The following BANP variants were observed in gnomAD, a reference collection of about 807,000 sequenced individuals.
BANP encodes BTG3 associated nuclear protein.
In BANP, 11 loss-of-function variants were observed where a neutral mutation model predicts 68.1. The ratio of observed to expected loss-of-function variants is 0.16; its 90% CI spans 0.10 to 0.27. BANP has a LOEUF of 0.27. Among genes scored for constraint, BANP ranks in the 10% least tolerant of loss-of-function variants. The pLI, the probability that BANP is intolerant of heterozygous loss-of-function variation, is 1.00. For missense variants in BANP, 504 were observed against 722.7 expected, an observed-to-expected ratio of 0.70 and a Z score of 3.47; for synonymous variants, 329 against 303.2, an observed-to-expected ratio of 1.09 and a Z score of -0.88.
At position 88,072,111 on chromosome 16, in the gene BANP, C is replaced by G; in HGVS notation, c.1420C>G (p.Pro474Ala). The G allele has an allele frequency of 1.2e-6, 2 of 1,604,902 alleles. No individual in the cohort carries two copies. Among genetic ancestry groups the G allele is most frequent in the Non-Finnish European group, 1.7e-6 (2 of 1,177,008 alleles). Residue 474 changes from proline (P) to alanine (A), a missense_variant, in exon 13 of 14, where the codon CCC becomes GCC. By Grantham distance (27) the Pro-to-Ala change is conservative. Around this residue, in one of 3 missense-constraint regions of BANP, gnomAD observed 223 missense variants for 246.2 expected, o/e 0.91. Transcript: ENST00000682872. ...GCTGATCGCCGTGGCCTCCTCGGAC[C>G]CCGCGGCGGCGGGCGTGGATGGGTC... Reference protein sequence around the residue: ...AQLIAVASSDPAAAGVDGSPL... With the variant: ...AQLIAVASSDAAAAGVDGSPL...
chr16:88,043,480 G>A (rs1268858264), intron 11 of BANP, among the ~76,000 whole-genome samples: 2 of 152,220 alleles, frequency 1.3e-5, no homozygotes, highest in Admixed American at 6.5e-5. Flanking sequence ...AATCCCTGTA[G>A]TGTTGGCTTT....
chr16:88,001,183 C>T (rs1296325880), intron 4 of BANP, among the ~76,000 whole-genome samples: 1 of 106,706 alleles, frequency 9.4e-6, no homozygotes, highest in Non-Finnish European at 1.8e-5. Flanking sequence ...CATGCACGCA[C>T]GTGTGCGGCT....
chr16:88,061,687 G>A (rs1186861805), intron 11 of BANP, among the ~76,000 whole-genome samples: 2 of 150,170 alleles, frequency 1.3e-5, no homozygotes, highest in Non-Finnish European at 3.0e-5. Context: ...TTTTTGAGAC[G>A]GAGTTTTTGC....
intron 11 of BANP, among the ~76,000 whole-genome samples, chr16:88,055,273 C>A (rs1406918833): frequency 6.6e-6 from 1 of 151,968 alleles, no homozygotes; most frequent in Admixed American, 6.6e-5. Context: ...AATCCATACA[C>A]CCACCCACCC....
intron 10 of BANP, chr16:88,037,746 C>T (rs1173529197): frequency 1.0e-5 from 6 of 587,388 alleles, no homozygotes; most frequent in African/African-American, 9.4e-5. Flanking sequence ...GGAATGAGTA[C>T]AATGCTTTTT....
At chr16:87,962,470 C>T (rs540181331) in intron 1 of BANP, among the ~76,000 whole-genome samples, 2 of 152,180 alleles carry the variant, frequency 1.3e-5, no homozygotes, top group South Asian at 2.1e-4. Flanking sequence ...CTTCAGGACC[C>T]TCAGTAGCTT....
chr16:87,975,501 C>A (rs1394500886), intron 2 of BANP, among the ~76,000 whole-genome samples: 1 of 152,158 alleles, frequency 6.6e-6, no homozygotes, highest in East Asian at 1.9e-4. Flanking sequence ...CGTCGTGGAT[C>A]TTTACCATGT....
chr16:87,975,449 G>A lies in BANP; in HGVS notation c.70+264G>A, dbSNP rs748092104. On this transcript the variant is annotated intron_variant, in intron 2 of 13. Transcript: ENST00000682872. Reference sequence around the variant, plus strand: ...CTGCTCCCACTCCTTGGGGGTATGCGTGTGTTCTACACTCTCTCCCCTGCC... The same window carrying A: ...CTGCTCCCACTCCTTGGGGGTATGCATGTGTTCTACACTCTCTCCCCTGCC... Among the ~76,000 whole-genome samples, 25 of 152,288 alleles carry A rather than the reference G, an allele frequency of 1.6e-4. 1 individual carries two copies. In the East Asian group the frequency reaches 2.9e-3, roughly 18 times the overall value.
At position 87,975,125 on chromosome 16, in the gene BANP, G is replaced by C. The variant is rs2061777643; in HGVS notation, c.10G>C (p.Glu4Gln). ...ACTCTCCGTGCTCTGGATGATGTCG[G>C]AACACGACCTGGCCGATGTGGTTCA... The part of the protein sequence containing the change: MMS[E>Q]HDLADVVQIA... Residue 4 changes from glutamate (E) to glutamine (Q), a missense_variant, in exon 2 of 14, where the codon GAA becomes CAA. Glu to Gln is a conservative substitution (Grantham distance 29). Around this residue, in one of 3 missense-constraint regions of BANP, gnomAD observed 238 missense variants for 278.9 expected, o/e 0.85. Coordinates refer to ENST00000682872, the MANE Select transcript of BANP (RefSeq NM_001386991.1). The C allele has an allele frequency of 1.9e-6, 3 of 1,614,064 alleles. No homozygotes were observed. Among genetic ancestry groups the C allele is most frequent in the Non-Finnish European group, 2.5e-6 (3 of 1,179,976 alleles).
intron 13 of BANP, among the ~76,000 whole-genome samples, chr16:88,075,542 G>A (rs1246932250): frequency 6.6e-6 from 1 of 152,052 alleles, no homozygotes; most frequent in East Asian, 1.9e-4. Context: ...TAGAGTAGAA[G>A]TTGCCAGGCC....
At chr16:87,998,653 C>T (rs1364568218) in intron 4 of BANP, among the ~76,000 whole-genome samples, 4 of 141,500 alleles carry the variant, frequency 2.8e-5, no homozygotes, top group Middle Eastern at 4.2e-3. Context: ...TCCAGACACC[C>T]AGACACATCT....
chr16:87,998,410 G>A (rs911987439), intron 4 of BANP, among the ~76,000 whole-genome samples: 10 of 149,984 alleles, frequency 6.7e-5, no homozygotes, highest in African/African-American at 2.4e-4. Context: ...GCTTCTCTGC[G>A]TGGGCTGCTG....
chr16:88,001,247 C>T (rs1166671160), intron 4 of BANP, among the ~76,000 whole-genome samples: 1 of 133,378 alleles, frequency 7.5e-6, no homozygotes, highest in African/African-American at 3.0e-5. Context: ...CGCACGTGCG[C>T]GGCTGGACTT....
intron 6 of BANP, among the ~76,000 whole-genome samples, chr16:88,009,461 T>C (rs2072343449): frequency 6.6e-6 from 1 of 152,276 alleles, no homozygotes; most frequent in Non-Finnish European, 1.5e-5. Context: ...TGAATTGACA[T>C]GCTGTTTTGT....
chr16:88,026,177 G>C (rs2076948311), intron 7 of BANP, among the ~76,000 whole-genome samples: 1 of 152,236 alleles, frequency 6.6e-6, no homozygotes, highest in Non-Finnish European at 1.5e-5. Flanking sequence ...TCCCAGGACA[G>C]TTCTCTGCGT....
intron 6 of BANP, among the ~76,000 whole-genome samples, chr16:88,008,019 ACAGT>A (rs1208714194): frequency 1.3e-5 from 2 of 152,240 alleles, no homozygotes; most frequent in African/African-American, 2.4e-5. Flanking sequence ...GTGCCCATCA[ACAGT>A]CACTTTCCAT....
chr16:88,035,097 G>A, intron 9 of BANP: 1 of 543,320 alleles, frequency 1.8e-6, no homozygotes, highest in Non-Finnish European at 3.3e-6. Flanking sequence ...CGTCCACGTG[G>A]TGGGGGTAGG....
chr16:88,034,211 G>A (rs1387619003), intron 9 of BANP, among the ~76,000 whole-genome samples: 1 of 152,214 alleles, frequency 6.6e-6, no homozygotes, highest in Non-Finnish European at 1.5e-5. Flanking sequence ...GTTATGAATA[G>A]TGAATCTTAT....
At chr16:88,047,442 C>T (rs1049325952) in intron 11 of BANP, among the ~76,000 whole-genome samples, 1 of 152,164 alleles carries the variant, frequency 6.6e-6, no homozygotes, top group African/African-American at 2.4e-5. Context: ...TGAGTTTGGC[C>T]CCCTGCTTGG....
Sources: allele counts gnomAD v4.1 joint callset (sites outside exome capture counted in the v4.1 genomes callset), GRCh38; gene constraint gnomAD v4.1.1; regional missense constraint gnomAD v4.1.1; transcripts MANE v1.5; gene names NCBI Gene and HGNC (gene_info 2026-07-23, HGNC 2026-07-21).